The following AGBL4 variants were observed in gnomAD, a reference collection of about 807,000 sequenced individuals.
The protein encoded by AGBL4 is AGBL carboxypeptidase 4.
A neutral mutation model predicts 66.4 loss-of-function variants in AGBL4; 58 were observed. The ratio of observed to expected loss-of-function variants is 0.87; its 90% CI spans 0.71 to 1.09. AGBL4 has a LOEUF of 1.09. Among genes scored for constraint, AGBL4 ranks in the 50% least tolerant of loss-of-function variants. The probability of loss-of-function intolerance (pLI) is 0.00; values close to 1 mark genes in which losing one functional copy is unlikely to be tolerated. For missense variants in AGBL4, 579 were observed against 631.0 expected (o/e 0.92, Z 0.88); for synonymous variants, 234 against 222.9 (o/e 1.05, Z -0.44).
intron 6 of AGBL4, among the ~76,000 whole-genome samples, chr1:48,782,136 G>A (rs1297384919): frequency 6.6e-6 from 1 of 152,204 alleles, no homozygotes; most frequent in Non-Finnish European, 1.5e-5. Flanking sequence ...AAGGATTGGA[G>A]GGGACGCAAG....
chr1:49,583,045 C>T (rs535846765), intron 3 of AGBL4, among the ~76,000 whole-genome samples: 3 of 152,260 alleles, frequency 2.0e-5, no homozygotes, highest in Admixed American at 2.0e-4. Flanking sequence ...CTAAGTGATA[C>T]ACGTGTTAGG....
chr1:48,810,920 T>G (rs553027453), intron 6 of AGBL4, among the ~76,000 whole-genome samples: 1 of 152,198 alleles, frequency 6.6e-6, no homozygotes, highest in South Asian at 2.1e-4. Flanking sequence ...GCCCAGGTTT[T>G]CCCACATGCT....
chr1:49,873,080 G>T (rs1451266313), intron 1 of AGBL4, among the ~76,000 whole-genome samples: 1 of 151,762 alleles, frequency 6.6e-6, no homozygotes, highest in Non-Finnish European at 1.5e-5. Context: ...TAACAGCAAT[G>T]TATTTTATAT....
chr1:49,594,829 G>C (rs1351799155), intron 3 of AGBL4, among the ~76,000 whole-genome samples: 1 of 152,160 alleles, frequency 6.6e-6, no homozygotes, highest in African/African-American at 2.4e-5. Context: ...ATAAACATAT[G>C]TGTGCATGTG....
intron 3 of AGBL4, among the ~76,000 whole-genome samples, chr1:49,313,197 CA>C (rs1243428382): frequency 6.6e-6 from 1 of 152,072 alleles, no homozygotes; most frequent in Non-Finnish European, 1.5e-5. Context: ...CTGCAAAGGA[CA>C]AAAACTCATC....
chr1:49,111,240 A>G (rs758169036), intron 4 of AGBL4, among the ~76,000 whole-genome samples: 1 of 151,596 alleles, frequency 6.6e-6, no homozygotes, highest in Non-Finnish European at 1.5e-5. Context: ...CAGCCTCCCA[A>G]TAGCTGGGAG....
At chr1:49,653,356 A>G (rs1646048578) in intron 3 of AGBL4, among the ~76,000 whole-genome samples, 1 of 152,130 alleles carries the variant, frequency 6.6e-6, no homozygotes, top group African/African-American at 2.4e-5. Context: ...ACCCATGAAG[A>G]TGAGAAAGAA....
intron 3 of AGBL4, among the ~76,000 whole-genome samples, chr1:49,352,462 T>C (rs1643930654): frequency 6.7e-6 from 1 of 149,128 alleles, no homozygotes; most frequent in South Asian, 2.1e-4. Flanking sequence ...CTTCATGTGA[T>C]GGCTGCTTAA....
chr1:49,535,160 A>C (rs988521404), intron 3 of AGBL4, among the ~76,000 whole-genome samples: 2 of 152,072 alleles, frequency 1.3e-5, no homozygotes, highest in South Asian at 4.1e-4. Flanking sequence ...AAAATCCACA[A>C]ACTAACCCAA....
chr1:49,190,264 T>C (rs1265481232), intron 4 of AGBL4, among the ~76,000 whole-genome samples: 1 of 152,198 alleles, frequency 6.6e-6, no homozygotes, highest in Non-Finnish European at 1.5e-5. Flanking sequence ...ATGCTGCCTA[T>C]TGAAATGCAG....
At chr1:48,992,611 G>C (rs1038191541) in intron 5 of AGBL4, among the ~76,000 whole-genome samples, 7 of 151,990 alleles carry the variant, frequency 4.6e-5, no homozygotes, top group African/African-American at 1.7e-4. Context: ...ACAACCCTTG[G>C]TTCAAAACCA....
intron 4 of AGBL4, among the ~76,000 whole-genome samples, chr1:49,130,718 C>T (rs1048809415): frequency 5.3e-5 from 8 of 151,912 alleles, no homozygotes; most frequent in African/African-American, 1.9e-4. Context: ...TTACTGTAGC[C>T]TTGTAGTATA....
intron 6 of AGBL4, among the ~76,000 whole-genome samples, chr1:48,865,346 C>G (rs2148822658): frequency 6.6e-6 from 1 of 152,234 alleles, no homozygotes; most frequent in South Asian, 2.1e-4. Flanking sequence ...TGGAAGCTAC[C>G]ACCTAGGGGG....
At chr1:49,120,532 T>C (rs953544455) in intron 4 of AGBL4, among the ~76,000 whole-genome samples, 1 of 152,232 alleles carries the variant, frequency 6.6e-6, no homozygotes, top group Admixed American at 6.5e-5. Flanking sequence ...CCCCACTCTC[T>C]TCTGGCTTGC....
intron 4 of AGBL4, among the ~76,000 whole-genome samples, chr1:49,102,343 A>G (rs572371241): frequency 4.7e-4 from 72 of 152,282 alleles, no homozygotes; most frequent in Admixed American, 2.6e-3. Context: ...AGAGCAATAT[A>G]TCAGTATAAA....
At chr1:49,517,010 C>T (rs1372929201) in intron 3 of AGBL4, among the ~76,000 whole-genome samples, 2 of 151,946 alleles carry the variant, frequency 1.3e-5, no homozygotes, top group African/African-American at 4.8e-5. Context: ...TTACATTATT[C>T]CTATACAAGG....
intron 3 of AGBL4, among the ~76,000 whole-genome samples, chr1:49,368,787 G>C (rs1644287546): frequency 6.6e-6 from 1 of 152,060 alleles, no homozygotes; most frequent in Admixed American, 6.6e-5. Context: ...AGAAGAAATT[G>C]AGGCTGGCCG....
In AGBL4 at chr1:49,649,042, T is replaced by C. The variant is rs911010450; in HGVS notation, c.282+48271A>G. The stretch of plus-strand genomic sequence containing the variant: ...AATTACACACACTTATGTATGCTTA[T>C]GCATATGTGAAATGAATGACAACAA... On this transcript the variant is annotated intron_variant, in intron 3 of 13. Transcript: ENST00000371839. Among the ~76,000 whole-genome samples, 12 of 152,254 alleles carry C rather than the reference T, an allele frequency of 7.9e-5. No individual in the cohort carries two copies. The East Asian group carries it at 2.1e-3, about 27-fold the overall frequency.
chr1:49,963,788 G>A lies in AGBL4; in HGVS notation c.34+59975C>T, dbSNP rs186801703. On this transcript the variant is annotated intron_variant, in intron 1 of 13. Coordinates refer to ENST00000371839, the MANE Select transcript of AGBL4 (RefSeq NM_032785.4). ...CTTGGCAATTTGACTATATATTCCA[G>A]GAAAGAGCAGAAATTATAATGCAGA... Among the ~76,000 whole-genome samples, 799 of 152,086 alleles carry A rather than the reference G, an allele frequency of 5.3e-3. 8 individuals carry two copies. Among genetic ancestry groups the A allele is most frequent in the Non-Finnish European group, 6.6e-3 (446 of 67,948 alleles).
Sources: allele counts gnomAD v4.1 joint callset (sites outside exome capture counted in the v4.1 genomes callset), GRCh38; gene constraint gnomAD v4.1.1; transcripts MANE v1.5; gene names NCBI Gene and HGNC (gene_info 2026-07-23, HGNC 2026-07-21).